G3BP2: variants seen among roughly 807,000 people sequenced by gnomAD.
G3BP2 encodes the protein G3BP stress granule assembly factor 2.
Under a neutral mutation model 56.7 loss-of-function variants are expected in G3BP2, and 11 were observed. The observed-to-expected ratio is 0.19, with a 90% CI of 0.12 to 0.32. The LOEUF is 0.32. Ranked by LOEUF, G3BP2 falls within the 10% of genes least tolerant of loss-of-function variation. The pLI, the probability that G3BP2 is intolerant of heterozygous loss-of-function variation, is 1.00. For synonymous variants in G3BP2, 165 were observed against 191.6 expected, an observed-to-expected ratio of 0.86 and a Z score of 1.15; for missense variants, 340 against 610.9, an observed-to-expected ratio of 0.56 and a Z score of 4.67.
At chr4:75,679,333 G>A (rs1012103190) in intron 3 of G3BP2, among the ~76,000 whole-genome samples, 1 of 152,224 alleles carries the variant, frequency 6.6e-6, no homozygotes, top group African/African-American at 2.4e-5. Flanking sequence ...TAGAGCAAGA[G>A]AGGAGAAAGC....
At chr4:75,661,724 A>G in intron 2 of G3BP2, 1 of 513,854 alleles carries the variant, frequency 1.9e-6, no homozygotes, top group South Asian at 2.5e-5. Context: ...TGTGTTATGT[A>G]CCAGAATATG....
In G3BP2 at chr4:75,656,941, T is replaced by A; in HGVS notation, c.425A>T (p.Glu142Val). Residue 142 changes from glutamate to valine, a missense_variant, in exon 5 of 12, where the codon GAG (glutamate) becomes GTG (valine). By Grantham distance (121) the Glu-to-Val change is moderately radical (BLOSUM62 -2). This residue lies in a region of G3BP2 where 224 missense variants were observed against 332.5 expected (regional missense o/e 0.67). Coordinates refer to ENST00000359707, the MANE Select transcript of G3BP2 (RefSeq NM_203505.3). ...RYEDEVFGDS[E>V]PELDEESEDE... is the part of the protein sequence containing the mutation. Reference sequence around the variant, plus strand: ...AACCTCACCTTCATCAAGTTCAGGCTCAGAATCACCAAACACTTCATCTTC... The same window carrying A: ...AACCTCACCTTCATCAAGTTCAGGCACAGAATCACCAAACACTTCATCTTC... 2 of 1,521,970 alleles carry A rather than the reference T, an allele frequency of 1.3e-6. No homozygotes were observed. Among genetic ancestry groups the A allele is most frequent in the Non-Finnish European group, 9.1e-7 (1 of 1,101,152 alleles). 94.3% of individuals were successfully genotyped at this position (1,521,970 alleles called of 1,614,324 possible).
Position 75,645,213 on chromosome 4 carries a change from T to C in G3BP2, c.*217A>G. 1 of 580,500 alleles carries C rather than the reference T, an allele frequency of 1.7e-6. No individual in the cohort carries two copies. Among genetic ancestry groups the C allele is most frequent in the South Asian group, 2.2e-5 (1 of 45,484 alleles). The allele number at this position is 580,500 out of a possible 1,614,324, so 36.0% of individuals were successfully genotyped here. A position where few individuals can be genotyped will look rare whatever the true frequency, so the allele number is the denominator to read the frequency against. ...GATATGGTCATTTCTCAGTCCTTAA[T>C]TCTCCAAGTCTAGATTTATAAATTA... On this transcript the variant is annotated 3_prime_UTR_variant, in exon 12 of 12. Coordinates refer to ENST00000359707, the MANE Select transcript of G3BP2 (RefSeq NM_203505.3).
intron 3 of G3BP2, among the ~76,000 whole-genome samples, chr4:75,704,088 G>C (rs974537143): frequency 1.3e-5 from 2 of 149,310 alleles, no homozygotes; most frequent in African/African-American, 5.0e-5. Flanking sequence ...GTGTGGTCTT[G>C]GCTCACTGCA....
chr4:75,656,971 C>T lies in G3BP2; in HGVS notation c.395G>A (p.Arg132His). The T allele has an allele frequency of 2.6e-6, 4 of 1,536,170 alleles. No homozygotes were observed. The highest frequency in any genetic ancestry group is 1.7e-4 in the Middle Eastern group (1 of 5,902). Residue 132 changes from arginine to histidine, a missense_variant, in exon 5 of 12, where the codon CGT (arginine) becomes CAT (histidine). Arg to His is a conservative substitution (Grantham distance 29, BLOSUM62 0). Transcript: ENST00000359707. Reference protein sequence around the residue: ...NKFYVHNDMFRYEDEVFGDSE... With the variant: ...NKFYVHNDMFHYEDEVFGDSE... ...ATCACCAAACACTTCATCTTCATAA[C>T]GAAACATATCATTGTGAACATAAAA...
intron 8 of G3BP2, among the ~76,000 whole-genome samples, chr4:75,650,344 G>C (rs2148956895): frequency 7.2e-6 from 1 of 138,412 alleles, no homozygotes; most frequent in South Asian, 2.3e-4. Context: ...TGAGGCAGGA[G>C]AATCACTTGA....
chr4:75,718,175 T>C (rs974985612), intron 3 of G3BP2, among the ~76,000 whole-genome samples: 2 of 150,208 alleles, frequency 1.3e-5, no homozygotes, highest in Non-Finnish European at 3.0e-5. Flanking sequence ...TAAATAAAAA[T>C]AAAAAGTCCT....
At chr4:75,694,779 CTA>C in intron 3 of G3BP2, 1 of 986,834 alleles carries the variant, frequency 1.0e-6, no homozygotes, top group Non-Finnish European at 1.2e-6. Context: ...CAAAAAACCA[CTA>C]TGTCTTTATA....
In G3BP2 at chr4:75,673,334, G is replaced by C; in HGVS notation, c.-151C>G. On this transcript the variant is annotated 5_prime_UTR_variant, in exon 1 of 12. Transcript: ENST00000359707. ...CAACTCGGAAGCCTCGGAAGCCGGA[G>C]AGCCGCGAGTTCGTCTGCCTCACAA... 8.1e-7 allele frequency: 1 copy of C among 1,230,686 alleles called. No individual in the cohort carries two copies. The highest frequency in any genetic ancestry group is 1.0e-6 in the Non-Finnish European group (1 of 987,146). 76.2% of individuals were successfully genotyped at this position (1,230,686 alleles called of 1,614,324 possible).
chr4:75,661,331 T>A lies in G3BP2; in HGVS notation c.95+600A>T, dbSNP rs561126232. Among the ~76,000 whole-genome samples the A allele has an allele frequency of 4.6e-5, 7 of 152,270 alleles. No homozygotes were observed. The South Asian group carries it at 1.2e-3, about 27-fold the overall frequency. On this transcript the variant is annotated intron_variant, in intron 2 of 11. Transcript: ENST00000359707. ...TTAGCAGAGACGAGGCTTCACCATG[T>A]TGGCCAGGCTGGTCTCAAACTCCTG...
chr4:75,683,690 C>A (rs1718446534), intron 3 of G3BP2, among the ~76,000 whole-genome samples: 1 of 152,160 alleles, frequency 6.6e-6, no homozygotes, highest in Non-Finnish European at 1.5e-5. Context: ...TGACTCACTA[C>A]CTAGGTGAGT....
rs370184946 is a variant in G3BP2, at chr4:75,672,906, C to CA, written c.-25+301dup. 24 of 663,968 alleles carry CA rather than the reference C, an allele frequency of 3.6e-5. No homozygotes were observed. The East Asian group carries it at 2.6e-3, about 71-fold the overall frequency. 41.1% of individuals were successfully genotyped at this position (663,968 alleles called of 1,614,324 possible). A position where few individuals can be genotyped will look rare whatever the true frequency, so the allele number is the denominator to read the frequency against. On this transcript the variant is annotated intron_variant, in intron 1 of 11. Transcript: ENST00000359707. ...GGGAGCTGCTGCGTGCCTCCCCCCC[C>CA]ACTTCGCCACCTCATCCCCAATAAA...
chr4:75,646,935 A>T, intron 10 of G3BP2, 94 bp downstream of exon 10: 1 of 737,918 alleles, frequency 1.4e-6, no homozygotes, highest in East Asian at 2.7e-5. Context: ...AAAGAGAGAA[A>T]CATTTAAAAA....
intron 1 of G3BP2, among the ~76,000 whole-genome samples, chr4:75,665,624 CAA>C (rs1296387114): frequency 3.9e-3 from 111 of 28,366 alleles, no homozygotes; most frequent in African/African-American, 7.6e-3. Context: ...CACAAACACA[CAA>C]ACACACACAC....
Position 75,643,299 on chromosome 4 carries a change from A to ATATATATATATATATATATATATATATG in G3BP2, c.*2130_*2131insCATATATATATATATATATATATATATA, listed in dbSNP as rs1210875754. 14 of 135,482 alleles carry ATATATATATATATATATATATATATATG rather than the reference A, an allele frequency of 1.0e-4. No homozygotes were observed. Among genetic ancestry groups the ATATATATATATATATATATATATATATG allele is most frequent in the Admixed American group, 7.9e-4 (11 of 13,938 alleles). The allele number at this position is 135,482 out of a possible 1,614,324, so 8.4% of individuals were successfully genotyped here. A position where few individuals can be genotyped will look rare whatever the true frequency, so the allele number is the denominator to read the frequency against. ...GGCAATATCCTGAATTGGAAATTAT[A>ATATATATATATATATATATATATATATG]TATATATATATATATATGGAAACAG... On this transcript the variant is annotated 3_prime_UTR_variant, in exon 12 of 12. Coordinates refer to ENST00000359707, the MANE Select transcript of G3BP2 (RefSeq NM_203505.3).
At chr4:75,650,421 C>T (rs1386053846) in intron 8 of G3BP2, among the ~76,000 whole-genome samples, 3 of 62,082 alleles carry the variant, frequency 4.8e-5, no homozygotes, top group Non-Finnish European at 9.8e-5. Flanking sequence ...AGAGAAACTC[C>T]ATCTCAAAAA....
intron 3 of G3BP2, among the ~76,000 whole-genome samples, chr4:75,694,344 G>A (rs1485746313): frequency 6.6e-6 from 1 of 152,196 alleles, no homozygotes; most frequent in African/African-American, 2.4e-5. Context: ...GCTCACGCCT[G>A]GAATCCCAGC....
intron 3 of G3BP2, among the ~76,000 whole-genome samples, chr4:75,717,605 T>A (rs983024012): frequency 3.3e-5 from 5 of 152,132 alleles, no homozygotes; most frequent in Non-Finnish European, 5.9e-5. Flanking sequence ...TCCATTAAAA[T>A]CATCTTAAGC....
intron 3 of G3BP2, 114 bp from the exon 4 acceptor site, chr4:75,657,844 C>T (rs1732228398): frequency 1.5e-6 from 1 of 666,840 alleles, no homozygotes; most frequent in Non-Finnish European, 2.5e-6. Context: ...ACTAATCTTC[C>T]TGAACTGAAT....
Sources: allele counts gnomAD v4.1 joint callset (sites outside exome capture counted in the v4.1 genomes callset), GRCh38; gene constraint gnomAD v4.1.1; regional missense constraint gnomAD v4.1.1; transcripts MANE v1.5; gene names NCBI Gene and HGNC (gene_info 2026-07-23, HGNC 2026-07-21).